Variants in ZFPM2 observed in about 807,000 individuals in gnomAD.
The protein encoded by ZFPM2 is zinc finger protein ZFPM2.
ZFPM2 carries 20 observed loss-of-function variants against 98.6 expected under a neutral mutation model. The ratio of observed to expected loss-of-function variants is 0.20; its 90% CI spans 0.14 to 0.29. The LOEUF is 0.29. ZFPM2 is among the 10% of genes least tolerant of loss of function. The pLI is 1.00. For synonymous variants in ZFPM2, 518 were observed against 502.7 expected (o/e 1.03, Z -0.41); for missense variants, 1,310 against 1,388.6 (o/e 0.94, Z 0.90).
intron 3 of ZFPM2, among the ~76,000 whole-genome samples, chr8:105,463,507 T>G (rs1812741014): frequency 6.6e-6 from 1 of 151,982 alleles, no homozygotes; most frequent in Non-Finnish European, 1.5e-5. Context: ...GTAATAGCAA[T>G]GCTGGATTAA....
intron 3 of ZFPM2, among the ~76,000 whole-genome samples, chr8:105,523,171 A>C (rs1315524039): frequency 6.6e-6 from 1 of 152,220 alleles, no homozygotes; most frequent in Non-Finnish European, 1.5e-5. Context: ...TACTTTGTAC[A>C]TAATAAATGG....
intron 5 of ZFPM2, among the ~76,000 whole-genome samples, chr8:105,680,580 T>A (rs1210145915): frequency 6.6e-6 from 1 of 152,166 alleles, no homozygotes; most frequent in Non-Finnish European, 1.5e-5. Context: ...AGGAATTGGG[T>A]ATGTAGTATT....
intron 1 of ZFPM2, among the ~76,000 whole-genome samples, chr8:105,376,534 A>G (rs1409393404): frequency 6.6e-6 from 1 of 152,138 alleles, no homozygotes; most frequent in Admixed American, 6.6e-5. Context: ...AAGCATCTCA[A>G]ATTTAATGTG....
At chr8:105,395,783 G>A (rs563735688) in intron 1 of ZFPM2, among the ~76,000 whole-genome samples, 2 of 152,276 alleles carry the variant, frequency 1.3e-5, no homozygotes, top group South Asian at 4.1e-4. Flanking sequence ...TAGTTTTACA[G>A]ATGAGAAATG....
At chr8:105,424,327 A>C (rs1221564410) in intron 2 of ZFPM2, among the ~76,000 whole-genome samples, 1 of 152,110 alleles carries the variant, frequency 6.6e-6, no homozygotes, top group Non-Finnish European at 1.5e-5. Context: ...AAGACGAAAA[A>C]TCTTTATGCC....
At position 105,798,845 on chromosome 8, in the gene ZFPM2, T is replaced by C. The variant is rs1161756050; in HGVS notation, c.861T>C (p.Asn287=). The part of the protein sequence containing the change: ...QREAAPVSEE[N]EDSAHQISSL... ...AAGCTGCTCCGGTGTCAGAGGAAAA[T>C]GAAGACAGTGCCCATCAGATTTCCA... The change falls in exon 7 of 8, where the codon AAT becomes AAC. Residue 287 remains asparagine, a synonymous_variant. Transcript: ENST00000407775. 1.2e-6 allele frequency: 2 copies of C among 1,613,910 alleles called. No homozygotes were observed. Among genetic ancestry groups the C allele is most frequent in the South Asian group, 2.2e-5 (2 of 91,080 alleles).
chr8:105,623,320 C>G (rs1176589234), intron 4 of ZFPM2, among the ~76,000 whole-genome samples: 2 of 152,090 alleles, frequency 1.3e-5, no homozygotes, highest in Non-Finnish European at 2.9e-5. Flanking sequence ...CTTCTTATTT[C>G]CATTCTTCTA....
intron 6 of ZFPM2, among the ~76,000 whole-genome samples, chr8:105,792,644 G>A (rs1478845069): frequency 6.6e-5 from 10 of 152,030 alleles, no homozygotes; most frequent in Admixed American, 2.0e-4. Flanking sequence ...TATCCTTGTT[G>A]ACTTTCTGTC....
intron 4 of ZFPM2, among the ~76,000 whole-genome samples, chr8:105,624,579 A>G (rs533821696): frequency 2.0e-5 from 3 of 152,330 alleles, no homozygotes; most frequent in South Asian, 2.1e-4. Context: ...TGAAATATCT[A>G]TATCTTTAGA....
At chr8:105,718,166 A>T (rs1811568340) in intron 5 of ZFPM2, among the ~76,000 whole-genome samples, 1 of 151,990 alleles carries the variant, frequency 6.6e-6, no homozygotes, top group South Asian at 2.1e-4. Flanking sequence ...CCTGGGACTG[A>T]ATCAATGTCT....
At chr8:105,386,285 G>A (rs1385077146) in intron 1 of ZFPM2, among the ~76,000 whole-genome samples, 1 of 152,110 alleles carries the variant, frequency 6.6e-6, no homozygotes, top group African/African-American at 2.4e-5. Context: ...TCTTCCTGAA[G>A]CTAAAGCATA....
intron 1 of ZFPM2, among the ~76,000 whole-genome samples, chr8:105,381,494 G>C (rs1344539918): frequency 9.2e-5 from 14 of 151,974 alleles, no homozygotes; most frequent in Non-Finnish European, 1.9e-4. Context: ...GCAAAGTCCT[G>C]CTTTTGTGAA....
intron 5 of ZFPM2, among the ~76,000 whole-genome samples, chr8:105,743,390 G>T (rs746001265): frequency 2.0e-5 from 3 of 151,994 alleles, no homozygotes; most frequent in Non-Finnish European, 4.4e-5. Flanking sequence ...TTTTAAAAAA[G>T]AGAGATAAAG....
intron 1 of ZFPM2, among the ~76,000 whole-genome samples, chr8:105,408,714 G>A (rs1369370619): frequency 2.6e-5 from 4 of 151,718 alleles, no homozygotes; most frequent in African/African-American, 4.8e-5. Context: ...AAGAACAAGT[G>A]TGCAGGACTG....
intron 4 of ZFPM2, among the ~76,000 whole-genome samples, chr8:105,614,210 A>T (rs1239020996): frequency 6.6e-6 from 1 of 152,138 alleles, no homozygotes; most frequent in Non-Finnish European, 1.5e-5. Context: ...GCAAGATGTT[A>T]ATTATTATTT....
At position 105,372,969 on chromosome 8, in the gene ZFPM2, T is replaced by C. The variant is rs1305654598; in HGVS notation, c.41-46175T>C. ...AGAAAAATGTTTTAGGTGGCAATAA[T>C]ATTCAAAATCCATAGATTATCTCCC... is the stretch of plus-strand genomic sequence containing the variant. On this transcript the variant is annotated intron_variant, in intron 1 of 7. Transcript: ENST00000407775. 3.9e-5 allele frequency among the ~76,000 whole-genome samples: 6 copies of C among 152,176 alleles called. No homozygotes were observed. In the East Asian group the frequency reaches 1.2e-3, roughly 29 times the overall value.
At chr8:105,474,070 A>G (rs1812963030) in intron 3 of ZFPM2, among the ~76,000 whole-genome samples, 1 of 152,202 alleles carries the variant, frequency 6.6e-6, no homozygotes, top group Non-Finnish European at 1.5e-5. Context: ...TTAGATTATG[A>G]TGATATACTT....
At chr8:105,634,380 C>G in intron 5 of ZFPM2, 23 bp downstream of exon 5, 2 of 1,574,160 alleles carry the variant, frequency 1.3e-6, no homozygotes, top group Non-Finnish European at 1.7e-6. Context: ...TTGTTTCCCT[C>G]TCTCTTTGGA....
chr8:105,786,663 C>T (rs1420124347), intron 5 of ZFPM2, among the ~76,000 whole-genome samples: 1 of 152,146 alleles, frequency 6.6e-6, no homozygotes, highest in Admixed American at 6.5e-5. Context: ...ATGATGCACA[C>T]AAATGATTTT....
Sources: gnomAD v4.1 joint callset for allele counts (sites outside exome capture counted in the v4.1 genomes callset) on GRCh38, gnomAD v4.1.1 for gene constraint, MANE v1.5 for transcripts, NCBI Gene and HGNC (gene_info 2026-07-23, HGNC 2026-07-21) for gene names.